Variants in AOPEP observed in about 807,000 individuals in gnomAD.
AOPEP encodes aminopeptidase O.
Under a neutral mutation model 98.1 loss-of-function variants are expected in AOPEP, and 77 were observed. The ratio of observed to expected loss-of-function variants is 0.78; its 90% CI spans 0.65 to 0.95. AOPEP has a LOEUF of 0.95. Among genes scored for constraint, AOPEP ranks in the 40% least tolerant of loss-of-function variants. The pLI is 0.00. For missense variants in AOPEP, 1,024 were observed against 1,024.7 expected (o/e 1.00, Z 0.01); for synonymous variants, 346 against 365.3 (o/e 0.95, Z 0.60).
At chr9:94,875,212 G>A (rs984674374) in intron 5 of AOPEP, among the ~76,000 whole-genome samples, 1 of 151,944 alleles carries the variant, frequency 6.6e-6, no homozygotes, top group African/African-American at 2.4e-5. Context: ...TTTCAACCCA[G>A]GGTCCATGTT....
At chr9:94,940,743 A>T (rs1343401565) in intron 7 of AOPEP, among the ~76,000 whole-genome samples, 3 of 152,216 alleles carry the variant, frequency 2.0e-5, no homozygotes, top group Non-Finnish European at 4.4e-5. Flanking sequence ...GGCAGAGGGC[A>T]CAGGGACACA....
chr9:94,748,011 T>A (rs1427975790), intron 1 of AOPEP, among the ~76,000 whole-genome samples: 1 of 152,224 alleles, frequency 6.6e-6, no homozygotes, highest in Non-Finnish European at 1.5e-5. Flanking sequence ...CCTCTAGTCA[T>A]TCAAAACTTT....
chr9:95,012,035 T>C (rs2062567781), intron 13 of AOPEP, among the ~76,000 whole-genome samples: 1 of 152,246 alleles, frequency 6.6e-6, no homozygotes, highest in Admixed American at 6.5e-5. Context: ...CTAAATCCAT[T>C]ACATGTATCA....
At chr9:95,119,198 T>C in the AOPEP span, among the ~76,000 whole-genome samples, 1 of 152,250 alleles carries the variant, frequency 6.6e-6, no homozygotes, top group Non-Finnish European at 1.5e-5. Context: ...TGTATCTTTT[T>C]TGAAAGTATA....
At chr9:95,013,258 A>G (rs1474730697) in intron 13 of AOPEP, among the ~76,000 whole-genome samples, 1 of 151,940 alleles carries the variant, frequency 6.6e-6, no homozygotes, top group African/African-American at 2.4e-5. Flanking sequence ...TTAGGAAGGC[A>G]TCTATTTTTG....
intron 5 of AOPEP, among the ~76,000 whole-genome samples, chr9:94,887,304 C>T (rs969721213): frequency 6.6e-6 from 1 of 152,054 alleles, no homozygotes; most frequent in Non-Finnish European, 1.5e-5. Flanking sequence ...GCTAAGATTG[C>T]ACCATTGCAC....
At chr9:95,028,436 C>A (rs1587681549) in intron 13 of AOPEP, among the ~76,000 whole-genome samples, 1 of 152,218 alleles carries the variant, frequency 6.6e-6, no homozygotes, top group Admixed American at 6.5e-5. Flanking sequence ...ACTACCCACA[C>A]AGCCTTCAGG....
the AOPEP span, among the ~76,000 whole-genome samples, chr9:95,098,023 A>C: frequency 2.1e-4 from 32 of 152,248 alleles, 1 homozygote; most frequent in South Asian, 6.2e-3. Flanking sequence ...AAACAGAGGA[A>C]GAAAAAGGCG....
rs116137898 is a variant in AOPEP at position 95,027,662 on chromosome 9, C to A, written c.2115+22046C>A. ...AGTTCTAGGTGTTAGAATTTGGTAG[C>A]TTTTAAGGATTCTTTATTAAAAATG... is the stretch of plus-strand genomic sequence containing the variant. On this transcript the variant is annotated intron_variant, in intron 13 of 16. Coordinates refer to ENST00000375315, the MANE Select transcript of AOPEP (RefSeq NM_001193329.3). Among the ~76,000 whole-genome samples, 130 of 152,216 alleles carry A rather than the reference C, an allele frequency of 8.5e-4. 1 individual carries two copies. Among genetic ancestry groups the A allele is most frequent in the African/African-American group, 3.1e-3 (129 of 41,538 alleles).
intron 13 of AOPEP, among the ~76,000 whole-genome samples, chr9:95,042,671 TCCTC>T (rs1461091922): frequency 6.6e-6 from 1 of 152,178 alleles, no homozygotes; most frequent in Non-Finnish European, 1.5e-5. Flanking sequence ...CATGGCCCCT[TCCTC>T]CATCTTTAAA....
chr9:95,008,233 C>T (rs1376369392), intron 13 of AOPEP, among the ~76,000 whole-genome samples: 1 of 152,194 alleles, frequency 6.6e-6, no homozygotes, highest in East Asian at 1.9e-4. Flanking sequence ...CTGTCTACAC[C>T]TGCAGGCTTC....
the AOPEP span, among the ~76,000 whole-genome samples, chr9:95,121,927 A>G: frequency 5.1e-4 from 76 of 148,266 alleles, no homozygotes; most frequent in African/African-American, 1.9e-3. Context: ...GCGCAATCTC[A>G]GCTCACTGCA....
At chr9:94,923,731 G>A (rs1022607032) in intron 5 of AOPEP, among the ~76,000 whole-genome samples, 10 of 152,164 alleles carry the variant, frequency 6.6e-5, no homozygotes, top group Non-Finnish European at 1.2e-4. Flanking sequence ...TTTGGTGCAG[G>A]TTACTTATTA....
chr9:95,147,704 T>A, the AOPEP span, among the ~76,000 whole-genome samples: 1 of 152,218 alleles, frequency 6.6e-6, no homozygotes, highest in African/African-American at 2.4e-5. Flanking sequence ...TGCAACAATA[T>A]TTTGAATACT....
chr9:94,838,405 G>A (rs1432834349), intron 5 of AOPEP, among the ~76,000 whole-genome samples: 1 of 152,184 alleles, frequency 6.6e-6, no homozygotes, highest in Non-Finnish European at 1.5e-5. Flanking sequence ...GACCATGCTT[G>A]TGTGGGTCTA....
In AOPEP at chr9:94,943,130, T is replaced by C. The variant is rs201160324; in HGVS notation, c.1662-12047T>C. Among the ~76,000 whole-genome samples the C allele has an allele frequency of 3.6e-4, 55 of 152,222 alleles. 1 individual carries two copies. The highest frequency in any genetic ancestry group is 2.9e-3 in the East Asian group (15 of 5,180). ...AAAAGAATCAGTAAATTGGACTGCA[T>C]CAAAATTAAAAACTTTTGTGCGACA... On this transcript the variant is annotated intron_variant, in intron 7 of 16. Coordinates refer to ENST00000375315, the MANE Select transcript of AOPEP (RefSeq NM_001193329.3).
intron 5 of AOPEP, chr9:94,900,496 G>C (rs1747146947): frequency 6.6e-6 from 1 of 152,130 alleles, no homozygotes; most frequent in South Asian, 2.1e-4. Flanking sequence ...TTAGCCTTCT[G>C]GGTATTCCTC....
the AOPEP span, chr9:95,110,134 CCT>C: frequency 1.3e-5 from 7 of 531,520 alleles, no homozygotes; most frequent in South Asian, 8.2e-5. Context: ...CTAGGCATCC[CCT>C]GAGGGAGAAC....
At chr9:95,110,611 G>T in the AOPEP span, 2 of 1,039,914 alleles carry the variant, frequency 1.9e-6, no homozygotes, top group Non-Finnish European at 2.3e-6. Flanking sequence ...TGCCATGCAA[G>T]CCTTTAAACA....
Sources: gnomAD v4.1 joint callset for allele counts (sites outside exome capture counted in the v4.1 genomes callset) on GRCh38, gnomAD v4.1.1 for gene constraint, MANE v1.5 for transcripts, NCBI Gene and HGNC (gene_info 2026-07-23, HGNC 2026-07-21) for gene names.